RHPN1: variants seen among roughly 807,000 people sequenced by gnomAD.
RHPN1 encodes rhophilin Rho GTPase binding protein 1.
Under a neutral mutation model 74.7 loss-of-function variants are expected in RHPN1, and 77 were observed. The ratio of observed to expected loss-of-function variants is 1.03; its 90% CI spans 0.86 to 1.25. The LOEUF is 1.25. RHPN1 is among the 50% of genes most tolerant of loss of function. RHPN1 has a pLI of 0.00. For missense variants in RHPN1, 987 were observed against 932.2 expected, an observed-to-expected ratio of 1.06 and a Z score of -0.77; for synonymous variants, 444 against 414.5, an observed-to-expected ratio of 1.07 and a Z score of -0.87.
chr8:143,379,144 A>G (rs1818508342), intron 7 of RHPN1, 66 bp downstream of exon 7: 1 of 1,434,234 alleles, frequency 7.0e-7, no homozygotes, highest in Non-Finnish European at 9.1e-7. Flanking sequence ...CCCCTTTTGC[A>G]GGGCAGGAGC....
chr8:143,366,548 T>TGCACGCACACACACGC (rs1451353477), upstream of RHPN1: 3 of 147,344 alleles, frequency 2.0e-5, no homozygotes, highest in Non-Finnish European at 4.5e-5. Context: ...CACGCACATA[T>TGCACGCACACACACGC]GCACGCACAC....
Position 143,369,062 on chromosome 8 carries a change from C to G in RHPN1, c.60+15C>G. 6.8e-7 allele frequency: 1 copy of G among 1,466,886 alleles called. No individual in the cohort carries two copies. Among genetic ancestry groups the G allele is most frequent in the Non-Finnish European group, 9.0e-7 (1 of 1,117,044 alleles). 90.9% of individuals were successfully genotyped at this position (1,466,886 alleles called of 1,614,324 possible). On this transcript the variant is annotated intron_variant, in intron 1 of 14. Transcript: ENST00000289013. ...CGCGGCTGCAGGTGCGCAGAACTGG[C>G]GCGGCGGCGGGAGGAGGGGCCCGGA...
chr8:143,379,812 G>C lies in RHPN1; in HGVS notation c.946-17G>C. 1 of 1,601,846 alleles carries C rather than the reference G, an allele frequency of 6.2e-7. No homozygotes were observed. The highest frequency in any genetic ancestry group is 1.3e-5 in the African/African-American group (1 of 74,822). On this transcript the variant is annotated splice_polypyrimidine_tract_variant and intron_variant, in intron 8 of 14. Coordinates refer to ENST00000289013, the MANE Select transcript of RHPN1 (RefSeq NM_052924.3). The stretch of plus-strand genomic sequence containing the variant: ...GAGAGTGGGAGGCCCTCGCGTGCCT[G>C]CCACATCCACCGGCAGGTGGCAGCC...
chr8:143,373,941 T>G (rs1818038455), intron 1 of RHPN1, among the ~76,000 whole-genome samples: 1 of 152,156 alleles, frequency 6.6e-6, no homozygotes, highest in African/African-American at 2.4e-5. Context: ...GAGTCAGGAC[T>G]TGAACCTGTC....
intron 1 of RHPN1, among the ~76,000 whole-genome samples, chr8:143,370,847 T>G (rs910947649): frequency 6.6e-6 from 1 of 152,206 alleles, no homozygotes; most frequent in Non-Finnish European, 1.5e-5. Context: ...CCTGGCTGTA[T>G]GCAGAAGGTT....
At chr8:143,371,094 C>T (rs1817790776) in intron 1 of RHPN1, among the ~76,000 whole-genome samples, 1 of 152,158 alleles carries the variant, frequency 6.6e-6, no homozygotes, top group South Asian at 2.1e-4. Flanking sequence ...GCTCAGGAAG[C>T]ACCAGTGCCT....
chr8:143,382,445 CG>C lies in RHPN1; in HGVS notation c.1809del (p.Val605SerfsTer9). 1 of 1,566,438 alleles carries C rather than the reference CG, an allele frequency of 6.4e-7. No individual in the cohort carries two copies. The highest frequency in any genetic ancestry group is 8.6e-7 in the Non-Finnish European group (1 of 1,156,734). ...TCTGTCCCTGCTGCAGGGGGACCGC[CG>C]GCCCGTCCTGCTGGGCCCCAGGGGG... Reference protein sequence around the residue: ...SSRLPSLGDRRPVLLGPRGLL... With the variant: ...SSRLPSLGDRXPVLLGPRGLL... On this transcript the variant is annotated frameshift_variant, in exon 15 of 15. Transcript: ENST00000289013. LOFTEE classifies it low-confidence loss of function (END_TRUNC).
chr8:143,379,837 C>T lies in RHPN1; in HGVS notation c.954C>T (p.Ala318=), dbSNP rs748388271. The part of the protein sequence containing the change: ...RLAQEAAQVA[A]EYRLVHRTMA... Reference sequence around the variant, plus strand: ...GCCACATCCACCGGCAGGTGGCAGCCGAGTACAGGCTAGTGCACCGGACCA... The same window carrying T: ...GCCACATCCACCGGCAGGTGGCAGCTGAGTACAGGCTAGTGCACCGGACCA... Residue 318 remains alanine, a synonymous_variant, in exon 9 of 15, where the codon GCC becomes GCT. Transcript: ENST00000289013. The T allele has an allele frequency of 8.1e-6, 13 of 1,608,682 alleles. No individual in the cohort carries two copies. In the East Asian group the frequency reaches 1.1e-4, roughly 14 times the overall value.
upstream of RHPN1, chr8:143,368,332 A>G (rs1027772565): frequency 3.9e-5 from 6 of 153,448 alleles, no homozygotes; most frequent in African/African-American, 1.4e-4. Context: ...GGGCAGAGAG[A>G]AGAAAGCAGG....
intron 1 of RHPN1, chr8:143,374,320 T>C (rs1454032205): frequency 7.1e-6 from 7 of 985,234 alleles, no homozygotes; most frequent in Non-Finnish European, 8.4e-6. Context: ...GTGGCAAGAT[T>C]CACCTTCAGA....
chr8:143,375,109 G>A (rs369218888), intron 1 of RHPN1, among the ~76,000 whole-genome samples: 1 of 152,350 alleles, frequency 6.6e-6, no homozygotes, highest in Non-Finnish European at 1.5e-5. Flanking sequence ...TGGAGGCGTG[G>A]GTGAGTTGGA....
At chr8:143,380,946 G>T (rs935451568) in intron 11 of RHPN1, among the ~76,000 whole-genome samples, 163 bp downstream of exon 11, 1 of 152,228 alleles carries the variant, frequency 6.6e-6, no homozygotes, top group African/African-American at 2.4e-5. Context: ...CAGAGCTGCT[G>T]GGCCCTTCAG....
intron 2 of RHPN1, 96 bp downstream of exon 2, chr8:143,375,764 TC>T (rs1168683771): frequency 1.1e-6 from 1 of 883,662 alleles, no homozygotes; most frequent in Non-Finnish European, 1.7e-6. Flanking sequence ...CATGGCCGGG[TC>T]ACAGAGACAG....
chr8:143,374,331 C>T, intron 1 of RHPN1: 7 of 984,828 alleles, frequency 7.1e-6, no homozygotes, highest in Non-Finnish European at 7.2e-6. Context: ...CACCTTCAGA[C>T]GCCACAAGGT....
In RHPN1 at chr8:143,381,694, C is replaced by T. The variant is rs750819926; in HGVS notation, c.1611C>T (p.Ala537=). Residue 537 remains alanine, a synonymous_variant, in exon 13 of 15, where the codon GCC becomes GCT. Coordinates refer to ENST00000289013, the MANE Select transcript of RHPN1 (RefSeq NM_052924.3). ...GAGACTCGCCTGTCCTCATCGCTGC[C>T]GTCATTCCAGGGAGCCAGGCCGCGG... ...LRGDSPVLIA[A]VIPGSQAAAA... is the part of the protein sequence containing the mutation. The T allele has an allele frequency of 5.6e-6, 9 of 1,611,378 alleles. No homozygotes were observed. Among genetic ancestry groups the T allele is most frequent in the Admixed American group, 1.7e-5 (1 of 59,842 alleles).
chr8:143,382,733 C>A lies in RHPN1; in HGVS notation c.*82C>A. The A allele has an allele frequency of 1.7e-6, 2 of 1,190,094 alleles. No homozygotes were observed. Among genetic ancestry groups the A allele is most frequent in the South Asian group, 1.4e-5 (1 of 71,166 alleles). 73.7% of individuals were successfully genotyped at this position (1,190,094 alleles called of 1,614,324 possible). On this transcript the variant is annotated 3_prime_UTR_variant, in exon 15 of 15. Coordinates refer to ENST00000289013, the MANE Select transcript of RHPN1 (RefSeq NM_052924.3). ...ATGCCCTCCCCACCCAGAGGACCTC[C>A]GGGCAATGCCTGTCCCGCCTCATGC...
At position 143,382,566 on chromosome 8, in the gene RHPN1, A is replaced by G. The variant is rs759178837; in HGVS notation, c.1928A>G (p.Gln643Arg). Residue 643 changes from glutamine (Q) to arginine (R), a missense_variant, in exon 15 of 15, where the codon CAG becomes CGG. Physicochemically the swap from Gln to Arg is conservative, Grantham distance 43 (BLOSUM62 1). Coordinates refer to ENST00000289013, the MANE Select transcript of RHPN1 (RefSeq NM_052924.3). ...CTCAACTGGAGCCGAAAGGCCCAGC[A>G]GGGCAAGACTGGAGGCTGCCCCCAG... The part of the protein sequence containing the change: ...PLLNWSRKAQ[Q>R]GKTGGCPQPC... The G allele has an allele frequency of 1.2e-6, 2 of 1,611,532 alleles. No individual in the cohort carries two copies. Among genetic ancestry groups the G allele is most frequent in the Non-Finnish European group, 1.7e-6 (2 of 1,179,714 alleles).
chr8:143,372,430 T>C (rs1458084182), intron 1 of RHPN1, among the ~76,000 whole-genome samples: 1 of 152,066 alleles, frequency 6.6e-6, no homozygotes, highest in Non-Finnish European at 1.5e-5. Flanking sequence ...GAATTTCTTT[T>C]CTGGAGGAGG....
Position 143,376,644 on chromosome 8 carries a change from G to T in RHPN1, c.296G>T (p.Arg99Leu). ...EELSGGVDPGRHGSEAVTVPM... is the reference protein window; with the variant it reads ...EELSGGVDPGLHGSEAVTVPM... ...CTCAGCGGTGGCGTGGACCCTGGCC[G>T]GCATGGGAGGTGCGGGTGGGGGCCG... is the stretch of plus-strand genomic sequence containing the variant. Residue 99 changes from arginine (R) to leucine (L), a missense_variant, in exon 3 of 15, where the codon CGG becomes CTG. By Grantham distance (102) the Arg-to-Leu change is moderately radical (BLOSUM62 -2). Coordinates refer to ENST00000289013, the MANE Select transcript of RHPN1 (RefSeq NM_052924.3). 1 of 1,568,714 alleles carries T rather than the reference G, an allele frequency of 6.4e-7. No individual in the cohort carries two copies. The highest frequency in any genetic ancestry group is 8.6e-7 in the Non-Finnish European group (1 of 1,157,250).
Sources: gnomAD v4.1 joint callset for allele counts (sites outside exome capture counted in the v4.1 genomes callset) on GRCh38, gnomAD v4.1.1 for gene constraint, MANE v1.5 for transcripts, NCBI Gene and HGNC (gene_info 2026-07-23, HGNC 2026-07-21) for gene names.